Variants in ZNF804B observed in about 807,000 individuals in gnomAD.
ZNF804B encodes zinc finger 804B.
ZNF804B carries 80 observed loss-of-function variants against 101.4 expected under a neutral mutation model. The observed-to-expected ratio is 0.79, with a 90% CI of 0.66 to 0.95. The LOEUF (loss-of-function observed/expected upper bound fraction) is 0.95, where lower values mean the gene tolerates loss of function less well. Among genes scored for constraint, ZNF804B ranks in the 40% least tolerant of loss-of-function variants. The pLI, the probability that ZNF804B is intolerant of heterozygous loss-of-function variation, is 0.00. For synonymous variants in ZNF804B, 622 were observed against 558.8 expected, an observed-to-expected ratio of 1.11 and a Z score of -1.59; for missense variants, 1,673 against 1,561.9, an observed-to-expected ratio of 1.07 and a Z score of -1.20.
chr7:88,939,708 A>G (rs552861270), intron 1 of ZNF804B, among the ~76,000 whole-genome samples: 1 of 152,026 alleles, frequency 6.6e-6, no homozygotes, highest in Admixed American at 6.6e-5. Context: ...AAAAGATTGA[A>G]AAAGATATAA....
intron 1 of ZNF804B, among the ~76,000 whole-genome samples, chr7:89,070,947 G>C (rs1488899039): frequency 6.6e-6 from 1 of 151,996 alleles, no homozygotes; most frequent in Non-Finnish European, 1.5e-5. Flanking sequence ...AGGAGTGGGG[G>C]ATTGATTCCA....
At chr7:89,011,578 A>G (rs2116193905) in intron 1 of ZNF804B, among the ~76,000 whole-genome samples, 1 of 152,234 alleles carries the variant, frequency 6.6e-6, no homozygotes, top group East Asian at 1.9e-4. Context: ...TCCAAATGGG[A>G]GCAATTGGCT....
In ZNF804B at chr7:89,069,539, C is replaced by A. The variant is rs188669721; in HGVS notation, c.109-148616C>A. ...TTATTTCAATTTTGTAATTATATCA[C>A]ATAAAAATTTTGTACTTTTCAAAGT... On this transcript the variant is annotated intron_variant, in intron 1 of 3. Transcript: ENST00000333190. 2.2e-3 allele frequency among the ~76,000 whole-genome samples: 339 copies of A among 151,966 alleles called. 1 individual carries two copies. The highest frequency in any genetic ancestry group is 8.1e-3 in the African/African-American group (334 of 41,442).
At chr7:88,851,286 C>G (rs1304628384) in intron 1 of ZNF804B, among the ~76,000 whole-genome samples, 1 of 151,938 alleles carries the variant, frequency 6.6e-6, no homozygotes, top group African/African-American at 2.4e-5. Context: ...GATATAATAA[C>G]CTCAACAACA....
intron 1 of ZNF804B, among the ~76,000 whole-genome samples, chr7:88,886,301 A>G (rs867581788): frequency 2.7e-5 from 4 of 146,354 alleles, no homozygotes; most frequent in Admixed American, 6.8e-5. Flanking sequence ...GTTGATGTCT[A>G]CTTGACAGTG....
intron 1 of ZNF804B, among the ~76,000 whole-genome samples, chr7:88,928,500 A>G (rs1356269693): frequency 1.3e-5 from 2 of 152,148 alleles, no homozygotes; most frequent in African/African-American, 4.8e-5. Flanking sequence ...CCCTGGGGTG[A>G]GAAAAGCCCT....
At chr7:89,227,893 T>C (rs376791114) in intron 2 of ZNF804B, among the ~76,000 whole-genome samples, 2 of 152,262 alleles carry the variant, frequency 1.3e-5, no homozygotes, top group African/African-American at 4.8e-5. Context: ...TCATTTGTTT[T>C]AGAAAAGTGG....
chr7:88,845,053 A>G (rs965822526), intron 1 of ZNF804B, among the ~76,000 whole-genome samples: 27 of 152,296 alleles, frequency 1.8e-4, no homozygotes, highest in African/African-American at 6.3e-4. Context: ...CAATCCCATG[A>G]AGATCAGGAT....
intron 1 of ZNF804B, among the ~76,000 whole-genome samples, chr7:89,104,698 A>G (rs768177151): frequency 2.6e-5 from 4 of 151,460 alleles, no homozygotes; most frequent in Middle Eastern, 3.4e-3. Flanking sequence ...TAACCTTTAA[A>G]TTTTTTCCAC....
chr7:89,023,818 T>C (rs1788705539), intron 1 of ZNF804B, among the ~76,000 whole-genome samples: 1 of 152,218 alleles, frequency 6.6e-6, no homozygotes, highest in Non-Finnish European at 1.5e-5. Flanking sequence ...TGAGCTCATA[T>C]GCCTAGGAGT....
chr7:88,770,583 C>A (rs1352658746), intron 1 of ZNF804B, among the ~76,000 whole-genome samples: 1 of 152,184 alleles, frequency 6.6e-6, no homozygotes, highest in Admixed American at 6.5e-5. Flanking sequence ...AATTCAACCT[C>A]ACTCAACCTT....
At chr7:89,327,247 C>G in intron 2 of ZNF804B, 97 bp from the exon 3 acceptor site, 1 of 1,209,706 alleles carries the variant, frequency 8.3e-7, no homozygotes, top group Non-Finnish European at 1.1e-6. Flanking sequence ...AGAAAGTCAC[C>G]TCTGCACTTA....
At chr7:88,996,094 C>T (rs937041570) in intron 1 of ZNF804B, among the ~76,000 whole-genome samples, 11 of 151,926 alleles carry the variant, frequency 7.2e-5, no homozygotes, top group South Asian at 6.3e-4. Flanking sequence ...GAAAGCTGCA[C>T]GAAGTATGGA....
At chr7:89,108,085 G>A (rs766583379) in intron 1 of ZNF804B, among the ~76,000 whole-genome samples, 14 of 152,104 alleles carry the variant, frequency 9.2e-5, no homozygotes, top group Non-Finnish European at 1.6e-4. Flanking sequence ...CATCTGAACC[G>A]ATTGGTAATA....
chr7:88,878,357 A>C (rs1353637074), intron 1 of ZNF804B, among the ~76,000 whole-genome samples: 1 of 152,126 alleles, frequency 6.6e-6, no homozygotes, highest in Non-Finnish European at 1.5e-5. Flanking sequence ...CATTTTAAAA[A>C]ATTTGGTAAT....
At chr7:88,780,555 T>G (rs1198279732) in intron 1 of ZNF804B, among the ~76,000 whole-genome samples, 2 of 151,810 alleles carry the variant, frequency 1.3e-5, no homozygotes, top group African/African-American at 4.8e-5. Context: ...GCCTGGCTAA[T>G]TTTTGATTTT....
intron 1 of ZNF804B, among the ~76,000 whole-genome samples, chr7:89,171,300 T>C (rs146656124): frequency 8.8e-5 from 6 of 68,508 alleles, no homozygotes. Context: ...TTCTTCTTCT[T>C]CTTCTTCTTC....
At position 88,776,555 on chromosome 7, in the gene ZNF804B, G is replaced by GTTTTTTTTT. The variant is rs10630362; in HGVS notation, c.108+16475_108+16476insTTTTTTTTT. 4.7e-5 allele frequency among the ~76,000 whole-genome samples: 5 copies of GTTTTTTTTT among 106,454 alleles called. 1 individual carries two copies. Among genetic ancestry groups the GTTTTTTTTT allele is most frequent in the Admixed American group, 9.4e-5 (1 of 10,688 alleles). 69.8% of individuals were successfully genotyped at this position (106,454 alleles called of 152,430 possible). A position where few individuals can be genotyped will look rare whatever the true frequency, so the allele number is the denominator to read the frequency against. On this transcript the variant is annotated intron_variant, in intron 1 of 3. Transcript: ENST00000333190. ...TAGTGGCTTTTCTATTTCTCGTGGT[G>GTTTTTTTTT]TTTTGTTTTTTTTTTTTTTTTTTTT... is the stretch of plus-strand genomic sequence containing the variant.
chr7:89,233,023 G>T (rs1303526686), intron 2 of ZNF804B, among the ~76,000 whole-genome samples: 1 of 152,090 alleles, frequency 6.6e-6, no homozygotes, highest in African/African-American at 2.4e-5. Flanking sequence ...CCGGGTTCAC[G>T]CCATTTTCCT....
Sources: gnomAD v4.1 joint callset for allele counts (sites outside exome capture counted in the v4.1 genomes callset) on GRCh38, gnomAD v4.1.1 for gene constraint, MANE v1.5 for transcripts, NCBI Gene and HGNC (gene_info 2026-07-23, HGNC 2026-07-21) for gene names.